Variants in KIRREL3 observed in about 807,000 individuals in gnomAD.
The protein encoded by KIRREL3 is kirre like nephrin family adhesion molecule 3.
A neutral mutation model predicts 89.7 loss-of-function variants in KIRREL3; 36 were observed. The ratio of observed to expected loss-of-function variants is 0.40; its 90% CI spans 0.31 to 0.53. The LOEUF (loss-of-function observed/expected upper bound fraction) is 0.53. Among genes scored for constraint, KIRREL3 ranks in the 20% least tolerant of loss-of-function variants. KIRREL3 has a pLI of 0.49. For synonymous variants in KIRREL3, 445 were observed against 441.4 expected (o/e 1.01, Z -0.10); for missense variants, 864 against 1,056.6 (o/e 0.82, Z 2.53).
At position 126,491,180 on chromosome 11, in the gene KIRREL3, G is replaced by A. The variant is rs913106758; in HGVS notation, c.434-17714C>T. On this transcript the variant is annotated intron_variant, in intron 4 of 16. Transcript: ENST00000525144. The surrounding 1 kb of genome is among the most constrained non-coding windows in gnomAD (Gnocchi z 5.5). The stretch of plus-strand genomic sequence containing the variant: ...GGACTCTGGCGAGTTGCACCTCCCC[G>A]GGCGTCAGCGTCTGCATCTGAAAGT... Among the ~76,000 whole-genome samples the A allele has an allele frequency of 2.0e-5, 3 of 152,138 alleles. No homozygotes were observed. Among genetic ancestry groups the A allele is most frequent in the Non-Finnish European group, 4.4e-5 (3 of 68,022 alleles).
At position 126,788,620 on chromosome 11, in the gene KIRREL3, G is replaced by T. The variant is rs917642539; in HGVS notation, c.55+211835C>A. Among the ~76,000 whole-genome samples, 20 of 152,302 alleles carry T rather than the reference G, an allele frequency of 1.3e-4. No homozygotes were observed. The highest frequency in any genetic ancestry group is 4.8e-4 in the African/African-American group (20 of 41,568). On this transcript the variant is annotated intron_variant, in intron 1 of 16. Coordinates refer to ENST00000525144, the MANE Select transcript of KIRREL3 (RefSeq NM_032531.4). This position sits in a 1 kb window ranked among gnomAD's most constrained non-coding sequence, Gnocchi z 4.1. ...TGTTCTGCCAGGCTGTGCTGCAGTT[G>T]CTATGTCTTGGGTTAAAAGTCTGTT...
At chr11:126,792,045 G>T (rs1315553130) in intron 1 of KIRREL3, among the ~76,000 whole-genome samples, 1 of 152,146 alleles carries the variant, frequency 6.6e-6, no homozygotes, top group East Asian at 1.9e-4. Context: ...CCTCCCTTTT[G>T]GGGGAGACTT....
In KIRREL3 at chr11:126,687,780, G is replaced by C. The variant is rs578127281; in HGVS notation, c.56-124868C>G. On this transcript the variant is annotated intron_variant, in intron 1 of 16. Transcript: ENST00000525144. The surrounding 1 kb of genome is among the most constrained non-coding windows in gnomAD (Gnocchi z 4.6). ...CTCAGTCCAGTGAGAAACTAGAAAAGTCTGCAGGTAATGACAGGCAAAGAG... is the reference window on the plus strand; with the variant it reads ...CTCAGTCCAGTGAGAAACTAGAAAACTCTGCAGGTAATGACAGGCAAAGAG... Among the ~76,000 whole-genome samples the C allele has an allele frequency of 7.9e-4, 120 of 152,356 alleles. No homozygotes were observed. The Middle Eastern group carries it at 0.017, about 22-fold the overall frequency.
Position 126,521,450 on chromosome 11 carries a change from G to C in KIRREL3, c.298C>G (p.Leu100Val), listed in dbSNP as rs746343265. Residue 100 changes from leucine (L) to valine (V), a missense_variant, in exon 4 of 17, where the codon CTG becomes GTG. Leu to Val is a conservative substitution (Grantham distance 32). Coordinates refer to ENST00000525144, the MANE Select transcript of KIRREL3 (RefSeq NM_032531.4). This position sits in a 1 kb window ranked among gnomAD's most constrained non-coding sequence, Gnocchi z 4.1. ...CCTGACAGGTGGTTCCCTACCACCAGGTACTGTGGGTAACCTGTGGAGACA... is the reference window on the plus strand; with the variant it reads ...CCTGACAGGTGGTTCCCTACCACCACGTACTGTGGGTAACCTGTGGAGACA... ...GRDLSSYPQY[L>V]VVGNHLSGEH... The C allele has an allele frequency of 8.2e-6, 13 of 1,582,252 alleles. No homozygotes were observed. The Admixed American group carries it at 2.4e-4, about 29-fold the overall frequency.
Position 126,485,438 on chromosome 11 carries a change from G to A in KIRREL3, c.434-11972C>T, listed in dbSNP as rs1199479921. 1.3e-5 allele frequency among the ~76,000 whole-genome samples: 2 copies of A among 152,206 alleles called. No individual in the cohort carries two copies. Among genetic ancestry groups the A allele is most frequent in the African/African-American group, 4.8e-5 (2 of 41,464 alleles). On this transcript the variant is annotated intron_variant, in intron 4 of 16. Transcript: ENST00000525144. The surrounding 1 kb of genome is among the most constrained non-coding windows in gnomAD (Gnocchi z 5.8). Reference sequence around the variant, plus strand: ...GGGAGGCCCTGAAGTCAGAGTGCCTGGCTGGGCTTCTGGCTCCGTCATTCA... The same window carrying A: ...GGGAGGCCCTGAAGTCAGAGTGCCTAGCTGGGCTTCTGGCTCCGTCATTCA...
Position 126,639,684 on chromosome 11 carries a change from AT to A in KIRREL3, c.56-76773del, listed in dbSNP as rs1944396954. Among the ~76,000 whole-genome samples, 1 of 152,136 alleles carries A rather than the reference AT, an allele frequency of 6.6e-6. No homozygotes were observed. The highest frequency in any genetic ancestry group is 2.4e-5 in the African/African-American group (1 of 41,410). ...ACAATTAATATTCTCCCTGGTGTTGATTTTGTTCAAATATATTGGGCCCATC... is the reference window on the plus strand; with the variant it reads ...ACAATTAATATTCTCCCTGGTGTTGATTTGTTCAAATATATTGGGCCCATC... On this transcript the variant is annotated intron_variant, in intron 1 of 16. Transcript: ENST00000525144. This position sits in a 1 kb window ranked among gnomAD's most constrained non-coding sequence, Gnocchi z 4.3.
At chr11:126,577,348 G>A (rs925231659) in intron 1 of KIRREL3, among the ~76,000 whole-genome samples, 1 of 152,006 alleles carries the variant, frequency 6.6e-6, no homozygotes, top group Non-Finnish European at 1.5e-5. Flanking sequence ...CAAAACCCAG[G>A]GAATACCAGG....
chr11:126,522,626 A>G lies in KIRREL3; in HGVS notation c.284-1162T>C, dbSNP rs942538270. ...TGTGTAGGGTTGAATATAAATGCCA[A>G]CTGAAGTTGTGGCTGGCCACCTTAG... On this transcript the variant is annotated intron_variant, in intron 3 of 16. Coordinates refer to ENST00000525144, the MANE Select transcript of KIRREL3 (RefSeq NM_032531.4). This position sits in a 1 kb window ranked among gnomAD's most constrained non-coding sequence, Gnocchi z 6.0. 6.6e-6 allele frequency among the ~76,000 whole-genome samples: 1 copy of G among 152,242 alleles called. No homozygotes were observed. The highest frequency in any genetic ancestry group is 1.5e-5 in the Non-Finnish European group (1 of 68,046).
At chr11:126,543,658 C>T (rs1316523776) in intron 2 of KIRREL3, among the ~76,000 whole-genome samples, 2 of 152,162 alleles carry the variant, frequency 1.3e-5, no homozygotes, top group African/African-American at 4.8e-5. Flanking sequence ...TGATGGGAAG[C>T]CGATAGGACA....
intron 1 of KIRREL3, among the ~76,000 whole-genome samples, chr11:126,813,487 A>G (rs1951458107): frequency 6.6e-6 from 1 of 152,206 alleles, no homozygotes; most frequent in South Asian, 2.1e-4. Context: ...CTGGACCAAA[A>G]TATTACCTTG....
At chr11:126,658,379 C>T (rs1484280275) in intron 1 of KIRREL3, among the ~76,000 whole-genome samples, 1 of 152,188 alleles carries the variant, frequency 6.6e-6, no homozygotes, top group African/African-American at 2.4e-5. Context: ...GATGCAGTGA[C>T]TAAAAACTTT....
chr11:126,904,716 G>A lies in KIRREL3; in HGVS notation c.55+95739C>T, dbSNP rs1291030867. Among the ~76,000 whole-genome samples the A allele has an allele frequency of 1.3e-5, 2 of 152,116 alleles. No homozygotes were observed. The highest frequency in any genetic ancestry group is 2.9e-5 in the Non-Finnish European group (2 of 68,024). ...AGCTTGGGGGTAGGGGGTCAAAGGAGGAAGTATGCATAATGTACATATTTA... is the reference window on the plus strand; with the variant it reads ...AGCTTGGGGGTAGGGGGTCAAAGGAAGAAGTATGCATAATGTACATATTTA... On this transcript the variant is annotated intron_variant, in intron 1 of 16. Coordinates refer to ENST00000525144, the MANE Select transcript of KIRREL3 (RefSeq NM_032531.4). The surrounding 1 kb of genome is among the most constrained non-coding windows in gnomAD (Gnocchi z 4.4).
chr11:126,913,414 GTGTC>G (rs1368089090), intron 1 of KIRREL3, among the ~76,000 whole-genome samples: 9 of 152,178 alleles, frequency 5.9e-5, no homozygotes, highest in African/African-American at 1.4e-4. Flanking sequence ...TTGCTGAAGG[GTGTC>G]TGACCAATTA....
rs1660792599 is a variant in KIRREL3 at position 126,570,925 on chromosome 11, A to G, written c.56-8013T>C. ...ATTTGCTGAGCTGCAAGGGACATTTAACTTTTCTCATCTCGTTTCACCCTC... is the reference window on the plus strand; with the variant it reads ...ATTTGCTGAGCTGCAAGGGACATTTGACTTTTCTCATCTCGTTTCACCCTC... On this transcript the variant is annotated intron_variant, in intron 1 of 16. Coordinates refer to ENST00000525144, the MANE Select transcript of KIRREL3 (RefSeq NM_032531.4). The surrounding 1 kb of genome is among the most constrained non-coding windows in gnomAD (Gnocchi z 6.1). Among the ~76,000 whole-genome samples, 1 of 152,160 alleles carries G rather than the reference A, an allele frequency of 6.6e-6. No homozygotes were observed. The highest frequency in any genetic ancestry group is 2.1e-4 in the South Asian group (1 of 4,822).
chr11:126,574,631 C>CA lies in KIRREL3; in HGVS notation c.56-11720dup, dbSNP rs1941156073. On this transcript the variant is annotated intron_variant, in intron 1 of 16. Transcript: ENST00000525144. This position sits in a 1 kb window ranked among gnomAD's most constrained non-coding sequence, Gnocchi z 5.3. ...CCCCTTTTGGGGTTATCCAATCTAG[C>CA]AGCCCCACCAGAGCAAAGGACGAGG... is the stretch of plus-strand genomic sequence containing the variant. 6.6e-6 allele frequency among the ~76,000 whole-genome samples: 1 copy of CA among 152,174 alleles called. No individual in the cohort carries two copies. Among genetic ancestry groups the CA allele is most frequent in the Non-Finnish European group, 1.5e-5 (1 of 68,034 alleles).
chr11:126,686,265 A>C lies in KIRREL3; in HGVS notation c.56-123353T>G, dbSNP rs1214563918. 1.3e-5 allele frequency among the ~76,000 whole-genome samples: 2 copies of C among 152,144 alleles called. No individual in the cohort carries two copies. The highest frequency in any genetic ancestry group is 2.9e-5 in the Non-Finnish European group (2 of 68,014). On this transcript the variant is annotated intron_variant, in intron 1 of 16. Coordinates refer to ENST00000525144, the MANE Select transcript of KIRREL3 (RefSeq NM_032531.4). This position sits in a 1 kb window ranked among gnomAD's most constrained non-coding sequence, Gnocchi z 4.7. ...TCTCCATGGATTGTACGGCTTTCCCAAGGCCTGCTCCAGACTGGTGGCCTT... is the reference window on the plus strand; with the variant it reads ...TCTCCATGGATTGTACGGCTTTCCCCAGGCCTGCTCCAGACTGGTGGCCTT...
rs1010625742 is a variant in KIRREL3 at position 126,611,684 on chromosome 11, C to T, written c.56-48772G>A. Among the ~76,000 whole-genome samples the T allele has an allele frequency of 2.0e-5, 3 of 152,266 alleles. No individual in the cohort carries two copies. The highest frequency in any genetic ancestry group is 2.1e-4 in the South Asian group (1 of 4,818). ...ATGGCTGCTCTCTGGGCTGCACGCACGTTGGGTTCACTGATCGCAGAGTCT... is the reference window on the plus strand; with the variant it reads ...ATGGCTGCTCTCTGGGCTGCACGCATGTTGGGTTCACTGATCGCAGAGTCT... On this transcript the variant is annotated intron_variant, in intron 1 of 16. Transcript: ENST00000525144. The surrounding 1 kb of genome is among the most constrained non-coding windows in gnomAD (Gnocchi z 4.7).
At chr11:126,863,207 C>T (rs1944759575) in intron 1 of KIRREL3, among the ~76,000 whole-genome samples, 1 of 152,214 alleles carries the variant, frequency 6.6e-6, no homozygotes, top group Non-Finnish European at 1.5e-5. Flanking sequence ...GAACGTGCTA[C>T]CTGTGGGGGA....
rs1381279644 is a variant in KIRREL3, at chr11:126,978,868, CT to C, written c.55+21586del. On this transcript the variant is annotated intron_variant, in intron 1 of 16. Coordinates refer to ENST00000525144, the MANE Select transcript of KIRREL3 (RefSeq NM_032531.4). This position sits in a 1 kb window ranked among gnomAD's most constrained non-coding sequence, Gnocchi z 4.2. ...ATGCTTATTCTCTTACCTGGCTTCCCTGTTATGCCCTGTGTCCCTGAATACA... is the reference window on the plus strand; with the variant it reads ...ATGCTTATTCTCTTACCTGGCTTCCCGTTATGCCCTGTGTCCCTGAATACA... 6.6e-6 allele frequency among the ~76,000 whole-genome samples: 1 copy of C among 152,174 alleles called. No homozygotes were observed. Among genetic ancestry groups the C allele is most frequent in the Non-Finnish European group, 1.5e-5 (1 of 68,040 alleles).
Sources: allele counts gnomAD v4.1 joint callset (sites outside exome capture counted in the v4.1 genomes callset), GRCh38; gene constraint gnomAD v4.1.1; non-coding constraint Gnocchi (gnomAD v3.1); transcripts MANE v1.5; gene names NCBI Gene and HGNC (gene_info 2026-07-23, HGNC 2026-07-21).